The following POLG variants were observed in gnomAD, a reference collection of about 807,000 sequenced individuals.
The protein encoded by POLG is DNA polymerase gamma, catalytic subunit, also known as DNA polymerase subunit gamma-1.
POLG carries 110 observed loss-of-function variants against 155.4 expected under a neutral mutation model. The observed-to-expected ratio is 0.71, with a 90% CI of 0.61 to 0.83. The LOEUF is 0.83. Among genes scored for constraint, POLG ranks in the 40% least tolerant of loss-of-function variants. The pLI is 0.00. For synonymous variants in POLG, 701 were observed against 631.5 expected (o/e 1.11, Z -1.65); for missense variants, 1,685 against 1,627.5 (o/e 1.04, Z -0.61).
intron 10 of POLG, among the ~76,000 whole-genome samples, 179 bp downstream of exon 10, chr15:89,325,251 AGAGAGAGTGAGTGAGTGAGT>A (rs1596356493): frequency 1.3e-5 from 1 of 79,642 alleles, no homozygotes; most frequent in East Asian, 2.9e-4. Context: ...AGTGAGTGAG[AGAGAGAGTGAGTGAGTGAGT>A]GAGAGAGAGA....
chr15:89,317,024 A>G, intron 22 of POLG, 197 bp from the exon 23 acceptor site: 1 of 607,864 alleles, frequency 1.6e-6, no homozygotes, highest in Admixed American at 2.9e-5. Context: ...TTTTAAATAG[A>G]AAATAAGCTT....
At chr15:89,320,061 TC>T (rs2055372240) in intron 18 of POLG, among the ~76,000 whole-genome samples, 3 of 152,358 alleles carry the variant, frequency 2.0e-5, no homozygotes, top group Admixed American at 2.0e-4. Context: ...CCTCACTTTA[TC>T]CACTGGACGA....
rs893252222 is a variant in POLG, at chr15:89,319,499, G to A, written c.2982-149C>T. 3.3e-5 allele frequency: 34 copies of A among 1,021,460 alleles called. 2 individuals carry two copies. The highest frequency in any genetic ancestry group is 1.3e-4 in the South Asian group (9 of 70,650). 63.3% of individuals were successfully genotyped at this position (1,021,460 alleles called of 1,614,324 possible). ...AAGGCTTTTATTCAGAGGAAGAAAC[G>A]GCTCAGAGAGGCTAAGTGCCTTGCC... On this transcript the variant is annotated intron_variant, in intron 18 of 22. Coordinates refer to ENST00000268124, the MANE Select transcript of POLG (RefSeq NM_002693.3).
chr15:89,319,373 C>T, intron 18 of POLG, 23 bp from the exon 19 acceptor site: 1 of 1,612,836 alleles, frequency 6.2e-7, no homozygotes, highest in South Asian at 1.1e-5. Context: ...TTATCACCAT[C>T]ATTCCACGGG....
rs2152050616 is a variant in POLG at position 89,316,569 on chromosome 15, G to A, written c.*182C>T. On this transcript the variant is annotated 3_prime_UTR_variant, in exon 23 of 23. Transcript: ENST00000268124. ...ACACCGATGTTGGCATCTTGGTTCT[G>A]AACCCACTGAATTCAACTGCACCTT... The A allele has an allele frequency of 8.2e-7, 1 of 1,224,306 alleles. No individual in the cohort carries two copies. The highest frequency in any genetic ancestry group is 1.2e-6 in the Non-Finnish European group (1 of 846,102). The allele number at this position is 1,224,306 out of a possible 1,614,324, so 75.8% of individuals were successfully genotyped here. A position where few individuals can be genotyped will look rare whatever the true frequency, so the allele number is the denominator to read the frequency against.
Position 89,320,906 on chromosome 15 carries a change from T to G in POLG, c.2841A>C (p.Lys947Asn). The part of the protein sequence containing the change: ...TTVGISREHA[K>N]IFNYGRIYGA... ...CATAGATGCGGCCGTAGTTGAAGAT[T>G]TTGGCATGCTCACGGCTGATGCCCA... The change falls in exon 18 of 23, where the codon AAA (lysine) becomes AAC (asparagine). Residue 947 changes from lysine (K) to asparagine (N), a missense_variant. Lys to Asn is a moderately conservative substitution (Grantham distance 94, BLOSUM62 0). This residue lies in a region of POLG where 470 missense variants were observed against 439.9 expected (regional missense o/e 1.07). Transcript: ENST00000268124. The G allele has an allele frequency of 1.2e-6, 2 of 1,613,998 alleles. No homozygotes were observed. The highest frequency in any genetic ancestry group is 1.7e-6 in the Non-Finnish European group (2 of 1,180,032).
chr15:89,326,286 C>G (rs2055515917), intron 9 of POLG, among the ~76,000 whole-genome samples: 1 of 152,226 alleles, frequency 6.6e-6, no homozygotes, highest in African/African-American at 2.4e-5. Context: ...CCTATGGACA[C>G]TAGCTGCACT....
rs1567184138 is a variant in POLG, at chr15:89,317,508, T to C, written c.3511A>G (p.Asn1171Asp). The stretch of plus-strand genomic sequence containing the variant: ...AAGGCGACTGACTGGGGCAAGTCAT[T>C]CAGACCCAGCTTGTAGGCAAACATG... ...RCMFAYKLGL[N>D]DLPQSVAFFS... The change falls in exon 22 of 23, where the codon AAT becomes GAT. Residue 1171 changes from asparagine to aspartate, a missense_variant. Around this residue, in one of 3 missense-constraint regions of POLG, gnomAD observed 470 missense variants for 439.9 expected, o/e 1.07. Transcript: ENST00000268124. 1.2e-6 allele frequency: 2 copies of C among 1,614,174 alleles called. No homozygotes were observed. Among genetic ancestry groups the C allele is most frequent in the Admixed American group, 3.3e-5 (2 of 60,016 alleles).
rs780839177 is a variant in POLG, at chr15:89,326,739, CTG to C, written c.1586-3_1586-2del. 1.2e-6 allele frequency: 2 copies of C among 1,614,004 alleles called. No individual in the cohort carries two copies. Among genetic ancestry groups the C allele is most frequent in the South Asian group, 2.2e-5 (2 of 91,084 alleles). ...TCCTCCTCACTGCAGGGGCCGAGGT[CTG>C]TGAGGGTGGGGGAAGACAATCAGGA... is the stretch of plus-strand genomic sequence containing the variant. On this transcript the variant is annotated splice_acceptor_variant and splice_polypyrimidine_tract_variant and intron_variant, in intron 8 of 22. Transcript: ENST00000268124. LOFTEE classifies it high-confidence loss of function.
chr15:89,321,045 C>T, intron 17 of POLG, 33 bp from the exon 18 acceptor site: 1 of 1,613,928 alleles, frequency 6.2e-7, no homozygotes, highest in Non-Finnish European at 8.5e-7. Flanking sequence ...AAAAGCAGCT[C>T]AGGAACATTC....
At chr15:89,331,206 G>T (rs963089670) in intron 2 of POLG, among the ~76,000 whole-genome samples, 4 of 152,030 alleles carry the variant, frequency 2.6e-5, no homozygotes, top group African/African-American at 9.7e-5. Flanking sequence ...CTTTCAAAGA[G>T]AAAGCAAAAA....
Position 89,325,585 on chromosome 15 carries a change from A to C in POLG, c.1814T>G (p.Leu605Arg), listed in dbSNP as rs2055505256. ...QMRVTPKLMALTWDGFPLHYS... is the reference protein window; with the variant it reads ...QMRVTPKLMARTWDGFPLHYS... ...GTGCAGAGGGAAGCCATCCCAGGTAAGTGCCATGAGTTTAGGTGTGACCCG... is the reference window on the plus strand; with the variant it reads ...GTGCAGAGGGAAGCCATCCCAGGTACGTGCCATGAGTTTAGGTGTGACCCG... The change falls in exon 10 of 23, where the codon CTT (leucine) becomes CGT (arginine). Residue 605 changes from leucine (L) to arginine (R), a missense_variant. This residue lies in a region of POLG where 1,210 missense variants were observed against 1,167.1 expected (regional missense o/e 1.04). Coordinates refer to ENST00000268124, the MANE Select transcript of POLG (RefSeq NM_002693.3). 8.1e-6 allele frequency: 13 copies of C among 1,613,720 alleles called. No homozygotes were observed. The highest frequency in any genetic ancestry group is 1.1e-5 in the Non-Finnish European group (13 of 1,180,022).
Position 89,333,716 on chromosome 15 carries a change from G to C in POLG, c.39C>G (p.Thr13=), listed in dbSNP as rs535213599. 6.5e-7 allele frequency: 1 copy of C among 1,536,662 alleles called. No homozygotes were observed. The highest frequency in any genetic ancestry group is 8.7e-7 in the Non-Finnish European group (1 of 1,147,064). Residue 13 remains threonine (T), a synonymous_variant, in exon 2 of 23, where the codon ACC becomes ACG. Transcript: ENST00000268124. ...GAGCTGGAACCGGCCCTGGCCCGAC[G>C]GTGGCGCCGGCCACCTTCCTCCAGA... ...RLLWRKVAGA[T]VGPGPVPAPG...
At position 89,323,130 on chromosome 15, in the gene POLG, A is replaced by G. The variant is rs147218850; in HGVS notation, c.2266-228T>C. ...AAGCAAACCTGGCTCCCTGCATAATAACAAATCGGAAAAACCTATCACGTA... is the reference window on the plus strand; with the variant it reads ...AAGCAAACCTGGCTCCCTGCATAATGACAAATCGGAAAAACCTATCACGTA... On this transcript the variant is annotated intron_variant, in intron 13 of 22. Coordinates refer to ENST00000268124, the MANE Select transcript of POLG (RefSeq NM_002693.3). Among the ~76,000 whole-genome samples, 4 of 152,328 alleles carry G rather than the reference A, an allele frequency of 2.6e-5. No individual in the cohort carries two copies. The East Asian group carries it at 7.7e-4, about 29-fold the overall frequency.
intron 10 of POLG, 200 bp from the exon 11 acceptor site, chr15:89,324,427 G>T: frequency 1.5e-6 from 1 of 672,038 alleles, no homozygotes; most frequent in Non-Finnish European, 2.7e-6. Context: ...CAGCAGGCTG[G>T]GGTTCAAGGC....
chr15:89,322,244 C>T (rs1311660237), intron 14 of POLG, among the ~76,000 whole-genome samples: 4 of 152,108 alleles, frequency 2.6e-5, no homozygotes, highest in African/African-American at 4.8e-5. Context: ...AGCGAGCTTC[C>T]GCTCCTCTCC....
Position 89,325,653 on chromosome 15 carries a change from G to T in POLG, c.1746C>A (p.Asp582Glu), listed in dbSNP as rs758032806. Residue 582 changes from aspartate (D) to glutamate (E), a missense_variant, in exon 10 of 23, where the codon GAC becomes GAA. By Grantham distance (45) the Asp-to-Glu change is conservative. Around this residue, in one of 3 missense-constraint regions of POLG, gnomAD observed 1,210 missense variants for 1,167.1 expected, o/e 1.04. Coordinates refer to ENST00000268124, the MANE Select transcript of POLG (RefSeq NM_002693.3). The stretch of plus-strand genomic sequence containing the variant: ...GGCTGGGGCCCGGGGTCCATGCAGG[G>T]TCGTCTAGCCGGGGGCAGAGCTTCC... Reference protein sequence around the residue: ...WYRKLCPRLDDPAWTPGPSLL... With the variant: ...WYRKLCPRLDEPAWTPGPSLL... 3 of 1,611,470 alleles carry T rather than the reference G, an allele frequency of 1.9e-6. No individual in the cohort carries two copies. Among genetic ancestry groups the T allele is most frequent in the Middle Eastern group, 1.6e-4 (1 of 6,062 alleles).
In POLG at chr15:89,318,273, G is replaced by A. The variant is rs191330833; in HGVS notation, c.3482+268C>T. Among the ~76,000 whole-genome samples the A allele has an allele frequency of 5.3e-5, 8 of 152,250 alleles. No individual in the cohort carries two copies. The South Asian group carries it at 6.2e-4, about 12-fold the overall frequency. On this transcript the variant is annotated intron_variant, in intron 21 of 22. Coordinates refer to ENST00000268124, the MANE Select transcript of POLG (RefSeq NM_002693.3). ...TAGAAAAGCGTGAGTACCACCCTTC[G>A]GAACAATTCCCCTAACCTCACTGCT... is the stretch of plus-strand genomic sequence containing the variant.
rs960812250 is a variant in POLG, at chr15:89,333,567, G to A, written c.188C>T (p.Ser63Phe). 9 of 1,610,798 alleles carry A rather than the reference G, an allele frequency of 5.6e-6. No individual in the cohort carries two copies. The highest frequency in any genetic ancestry group is 1.7e-5 in the Admixed American group (1 of 59,928). The change falls in exon 2 of 23, where the codon TCC becomes TTC. Residue 63 changes from serine (S) to phenylalanine (F), a missense_variant. Ser to Phe is a radical substitution (Grantham distance 155). Transcript: ENST00000268124. The stretch of plus-strand genomic sequence containing the variant: ...GTGCCGCAGCTGCCCGCCCTCCGAG[G>A]ATAGCACTTGCGGCTGCTGAGGCTG... ...QQQPQQPQVL[S>F]SEGGQLRHNP...
Sources: allele counts gnomAD v4.1 joint callset (sites outside exome capture counted in the v4.1 genomes callset), GRCh38; gene constraint gnomAD v4.1.1; regional missense constraint gnomAD v4.1.1; transcripts MANE v1.5; gene names NCBI Gene and HGNC (gene_info 2026-07-23, HGNC 2026-07-21).